GALNT13: variants seen among roughly 807,000 people sequenced by gnomAD.
GALNT13 encodes the protein polypeptide N-acetylgalactosaminyltransferase 13.
Under a neutral mutation model 64.2 loss-of-function variants are expected in GALNT13, and 28 were observed. That is an observed-to-expected ratio of 0.44 (90% confidence interval 0.32 to 0.60). The LOEUF is 0.60. Ranked by LOEUF, GALNT13 falls within the 20% of genes least tolerant of loss-of-function variation. The pLI, the probability that GALNT13 is intolerant of heterozygous loss-of-function variation, is 0.05. For synonymous variants in GALNT13, 214 were observed against 224.6 expected, an observed-to-expected ratio of 0.95 and a Z score of 0.42; for missense variants, 577 against 669.8, an observed-to-expected ratio of 0.86 and a Z score of 1.53.
At chr2:153,609,067 C>A in the GALNT13 span, among the ~76,000 whole-genome samples, 1 of 151,276 alleles carries the variant, frequency 6.6e-6, no homozygotes, top group African/African-American at 2.4e-5. Flanking sequence ...CAGGTGTGCA[C>A]CACCATGACC....
the GALNT13 span, among the ~76,000 whole-genome samples, chr2:153,817,980 C>G: frequency 6.6e-6 from 1 of 152,012 alleles, no homozygotes; most frequent in African/African-American, 2.4e-5. Flanking sequence ...TGAGTAAATA[C>G]CACCTCTTCA....
At chr2:153,279,118 C>T in the GALNT13 span, among the ~76,000 whole-genome samples, 1 of 152,012 alleles carries the variant, frequency 6.6e-6, no homozygotes, top group Admixed American at 6.6e-5. Context: ...GTGTGTGTGG[C>T]TATTGTGAAT....
At chr2:154,029,188 C>CAAAA in intron 3 of GALNT13, among the ~76,000 whole-genome samples, 1 of 134,316 alleles carries the variant, frequency 7.4e-6, no homozygotes, top group African/African-American at 2.8e-5. Flanking sequence ...TTTTGTAAAT[C>CAAAA]AAAAAAAAAA....
the GALNT13 span, among the ~76,000 whole-genome samples, chr2:153,768,619 C>T: frequency 3.3e-5 from 5 of 152,202 alleles, no homozygotes; most frequent in South Asian, 2.1e-4. Context: ...AATCCCAGCA[C>T]GTTGGGAGGC....
At chr2:153,257,077 C>G in the GALNT13 span, among the ~76,000 whole-genome samples, 4 of 152,206 alleles carry the variant, frequency 2.6e-5, no homozygotes, top group African/African-American at 9.6e-5. Context: ...AATTTGATCT[C>G]AGACTGCTGT....
intron 11 of GALNT13, chr2:154,435,768 G>T (rs1700934993): frequency 6.6e-6 from 1 of 152,096 alleles, no homozygotes; most frequent in African/African-American, 2.4e-5. Flanking sequence ...ATCAGCTACT[G>T]AATTTTGTCT....
chr2:154,212,435 G>A (rs1014827059), intron 4 of GALNT13, among the ~76,000 whole-genome samples: 35 of 152,122 alleles, frequency 2.3e-4, no homozygotes, highest in African/African-American at 7.9e-4. Flanking sequence ...GTAGAGACAA[G>A]GTTTCACCGT....
intron 4 of GALNT13, among the ~76,000 whole-genome samples, chr2:154,191,678 G>A (rs971653041): frequency 6.6e-6 from 1 of 152,132 alleles, no homozygotes; most frequent in Non-Finnish European, 1.5e-5. Context: ...CTCACAGGGC[G>A]TGCAGTGGGG....
chr2:154,005,461 A>C (rs986801939), intron 3 of GALNT13, among the ~76,000 whole-genome samples: 58 of 152,120 alleles, frequency 3.8e-4, no homozygotes, highest in African/African-American at 1.4e-3. Flanking sequence ...CTGAAGTTCT[A>C]GTGTCTTTGA....
the GALNT13 span, among the ~76,000 whole-genome samples, chr2:153,639,839 A>T: frequency 4.6e-5 from 7 of 152,194 alleles, no homozygotes; most frequent in Non-Finnish European, 8.8e-5. Context: ...CAGGAGCTGG[A>T]CAGGTTTTGG....
the GALNT13 span, among the ~76,000 whole-genome samples, chr2:153,776,029 A>C: frequency 6.6e-6 from 1 of 152,188 alleles, no homozygotes; most frequent in Non-Finnish European, 1.5e-5. Flanking sequence ...ATCCGAGTGA[A>C]TCAATAGGAA....
At chr2:153,980,423 A>T (rs963771385) in intron 3 of GALNT13, among the ~76,000 whole-genome samples, 1 of 152,146 alleles carries the variant, frequency 6.6e-6, no homozygotes, top group African/African-American at 2.4e-5. Context: ...ATGGTAGCCT[A>T]AATAAAGTTA....
chr2:153,636,837 G>A, the GALNT13 span, among the ~76,000 whole-genome samples: 5 of 152,020 alleles, frequency 3.3e-5, no homozygotes, highest in South Asian at 1.0e-3. Context: ...TAGAATCTTT[G>A]AAGGCAAGAT....
At chr2:153,454,829 T>C in the GALNT13 span, among the ~76,000 whole-genome samples, 55,363 of 152,176 alleles carry the variant, frequency 0.36, 11,038 homozygotes, top group East Asian at 0.67. Flanking sequence ...CAACATTCTT[T>C]GTAATATTGT....
At chr2:153,118,491 A>T in the GALNT13 span, among the ~76,000 whole-genome samples, 8 of 152,164 alleles carry the variant, frequency 5.3e-5, no homozygotes, top group African/African-American at 1.9e-4. Flanking sequence ...ATTGGGGTAC[A>T]ATTATCTAAT....
intron 3 of GALNT13, among the ~76,000 whole-genome samples, chr2:153,981,261 C>A (rs1313679441): frequency 3.9e-5 from 6 of 152,144 alleles, no homozygotes; most frequent in Non-Finnish European, 2.9e-5. Flanking sequence ...TATATATGCA[C>A]AATGTGCAGG....
the GALNT13 span, among the ~76,000 whole-genome samples, chr2:153,652,437 A>G: frequency 6.6e-6 from 1 of 152,106 alleles, no homozygotes; most frequent in Non-Finnish European, 1.5e-5. Context: ...CAACATGGCA[A>G]AACCCTGACT....
chr2:153,473,156 T>C, the GALNT13 span, among the ~76,000 whole-genome samples: 1 of 152,142 alleles, frequency 6.6e-6, no homozygotes, highest in East Asian at 1.9e-4. Flanking sequence ...CTACATGTTC[T>C]GCACATGTAC....
At chr2:154,268,309 G>T (rs1195021407) in intron 8 of GALNT13, among the ~76,000 whole-genome samples, 1 of 152,070 alleles carries the variant, frequency 6.6e-6, no homozygotes, top group East Asian at 1.9e-4. Context: ...AAACAAGCCA[G>T]GCAAAAAGAT....
Sources: gnomAD v4.1 joint callset for allele counts (sites outside exome capture counted in the v4.1 genomes callset) on GRCh38, gnomAD v4.1.1 for gene constraint, MANE v1.5 for transcripts, NCBI Gene and HGNC (gene_info 2026-07-23, HGNC 2026-07-21) for gene names.